Variants in HPSE2 observed in about 807,000 individuals in gnomAD.
HPSE2 encodes the protein inactive heparanase-2.
Under a neutral mutation model 60.5 loss-of-function variants are expected in HPSE2, and 38 were observed. That is an observed-to-expected ratio of 0.63 (90% confidence interval 0.48 to 0.82). The LOEUF is 0.82. Ranked by LOEUF, HPSE2 falls within the 40% of genes least tolerant of loss-of-function variation. The pLI is 0.00. For synonymous variants in HPSE2, 295 were observed against 293.2 expected (o/e 1.01, Z -0.06); for missense variants, 713 against 740.4 (o/e 0.96, Z 0.43).
intron 3 of HPSE2, among the ~76,000 whole-genome samples, chr10:99,075,610 T>C (rs1004008641): frequency 2.0e-5 from 3 of 152,188 alleles, no homozygotes; most frequent in African/African-American, 4.8e-5. Context: ...CTATTGATTA[T>C]TGAAAGTGGG....
chr10:98,846,198 T>C (rs1952030521), intron 3 of HPSE2, among the ~76,000 whole-genome samples: 1 of 152,198 alleles, frequency 6.6e-6, no homozygotes, highest in Admixed American at 6.5e-5. Flanking sequence ...CTATACCAGC[T>C]TTTGAGAGTT....
chr10:98,575,561 A>G (rs1944619418), intron 9 of HPSE2, among the ~76,000 whole-genome samples: 1 of 152,226 alleles, frequency 6.6e-6, no homozygotes, highest in Non-Finnish European at 1.5e-5. Flanking sequence ...TAAGCATTTC[A>G]TATTTATTAT....
At chr10:98,866,139 T>C (rs1020693922) in intron 3 of HPSE2, among the ~76,000 whole-genome samples, 1 of 152,114 alleles carries the variant, frequency 6.6e-6, no homozygotes, top group African/African-American at 2.4e-5. Flanking sequence ...TGACATACTG[T>C]ACTTCCATAT....
At chr10:98,987,139 T>A (rs1956382206) in intron 3 of HPSE2, among the ~76,000 whole-genome samples, 2 of 152,030 alleles carry the variant, frequency 1.3e-5, no homozygotes, top group Admixed American at 1.3e-4. Context: ...CCTAACTCAT[T>A]TTATGAGGCC....
chr10:99,273,142 T>C, the HPSE2 span, among the ~76,000 whole-genome samples: 6 of 152,192 alleles, frequency 3.9e-5, no homozygotes, highest in African/African-American at 1.2e-4. Context: ...TTGGAGAGGA[T>C]TATTCTAAGT....
intron 9 of HPSE2, among the ~76,000 whole-genome samples, chr10:98,530,284 A>G (rs1020667624): frequency 6.6e-6 from 1 of 152,148 alleles, no homozygotes; most frequent in African/African-American, 2.4e-5. Flanking sequence ...CACTTGGAGG[A>G]CTTTAAATCT....
intron 3 of HPSE2, among the ~76,000 whole-genome samples, chr10:99,033,518 T>C (rs372941469): frequency 1.4e-4 from 22 of 152,146 alleles, no homozygotes; most frequent in African/African-American, 3.4e-4. Context: ...CGCAGTGGCT[T>C]ACACCTGTAA....
chr10:99,257,178 G>A, the HPSE2 span, among the ~76,000 whole-genome samples: 1,748 of 152,144 alleles, frequency 0.011, 21 homozygotes, highest in African/African-American at 0.025. Flanking sequence ...TGATGATTGC[G>A]TTAACTGCAC....
At chr10:98,987,731 A>G (rs898780876) in intron 3 of HPSE2, among the ~76,000 whole-genome samples, 13 of 152,210 alleles carry the variant, frequency 8.5e-5, no homozygotes, top group Non-Finnish European at 1.3e-4. Context: ...ACATGATTGT[A>G]TACCTAGAAA....
chr10:98,920,236 C>T (rs1177680092), intron 3 of HPSE2, among the ~76,000 whole-genome samples: 3 of 152,158 alleles, frequency 2.0e-5, no homozygotes, highest in Non-Finnish European at 4.4e-5. Flanking sequence ...CCCAGCCTGG[C>T]CAAGACTTTC....
chr10:99,009,676 C>T (rs1442970283), intron 3 of HPSE2, among the ~76,000 whole-genome samples: 1 of 152,136 alleles, frequency 6.6e-6, no homozygotes, highest in African/African-American at 2.4e-5. Flanking sequence ...GAAATGTTAA[C>T]CCTGGGAGGA....
chr10:98,887,710 C>T (rs1953205523), intron 3 of HPSE2, among the ~76,000 whole-genome samples: 1 of 151,774 alleles, frequency 6.6e-6, no homozygotes, highest in Non-Finnish European at 1.5e-5. Flanking sequence ...GGACAGCCTA[C>T]CAAAGGAAAA....
At chr10:98,595,955 T>C (rs1352489856) in intron 9 of HPSE2, among the ~76,000 whole-genome samples, 1 of 152,228 alleles carries the variant, frequency 6.6e-6, no homozygotes, top group Non-Finnish European at 1.5e-5. Flanking sequence ...TCTATTGAAA[T>C]GATTATATGT....
intron 7 of HPSE2, among the ~76,000 whole-genome samples, chr10:98,638,021 T>C (rs772809569): frequency 3.5e-4 from 52 of 150,610 alleles, no homozygotes; most frequent in Non-Finnish European, 6.0e-4. Context: ...GAGCCTGTAG[T>C]CCCAGCTACC....
intron 2 of HPSE2, among the ~76,000 whole-genome samples, chr10:99,205,639 C>T (rs1848721077): frequency 6.6e-6 from 1 of 152,072 alleles, no homozygotes; most frequent in South Asian, 2.1e-4. Context: ...TAAAAATATA[C>T]ATATATATCA....
chr10:99,123,723 TC>T (rs1228391142), intron 3 of HPSE2, among the ~76,000 whole-genome samples: 1 of 152,208 alleles, frequency 6.6e-6, no homozygotes, highest in African/African-American at 2.4e-5. Context: ...GTAGCTCCTT[TC>T]TACAGGCAGG....
At chr10:98,635,214 A>G (rs141980475) in intron 7 of HPSE2, among the ~76,000 whole-genome samples, 109 of 152,364 alleles carry the variant, frequency 7.2e-4, no homozygotes, top group Non-Finnish European at 1.3e-3. Flanking sequence ...TAGAATGACT[A>G]CTATAAAGAA....
chr10:98,631,703 T>C (rs1946369458), intron 7 of HPSE2, among the ~76,000 whole-genome samples: 1 of 152,204 alleles, frequency 6.6e-6, no homozygotes, highest in Admixed American at 6.5e-5. Context: ...TTCTTCACAT[T>C]GTCATTGCCT....
the HPSE2 span, among the ~76,000 whole-genome samples, chr10:99,305,979 G>GCGCACACACACACACACACACACA: frequency 2.6e-3 from 210 of 80,490 alleles, 3 homozygotes; most frequent in Middle Eastern, 6.8e-3. Flanking sequence ...GCGCGCGCGC[G>GCGCACACACACACACACACACACA]CACACACACA....
Sources: gnomAD v4.1 joint callset for allele counts (sites outside exome capture counted in the v4.1 genomes callset) on GRCh38, gnomAD v4.1.1 for gene constraint, MANE v1.5 for transcripts, NCBI Gene and HGNC (gene_info 2026-07-23, HGNC 2026-07-21) for gene names.